The following GPC6 variants were observed in gnomAD, a reference collection of about 807,000 sequenced individuals.
GPC6 encodes glypican 6.
A neutral mutation model predicts 55.2 loss-of-function variants in GPC6; 14 were observed. The observed-to-expected ratio is 0.25, with a 90% confidence interval of 0.17 to 0.40. GPC6 has a LOEUF of 0.40. Ranked by LOEUF, GPC6 falls within the 10% of genes least tolerant of loss-of-function variation. The probability of loss-of-function intolerance (pLI) is 1.00; values close to 1 mark genes in which losing one functional copy is unlikely to be tolerated. For synonymous variants in GPC6, 278 were observed against 259.6 expected (o/e 1.07, Z -0.68); for missense variants, 641 against 708.5 (o/e 0.90, Z 1.08).
intron 3 of GPC6, among the ~76,000 whole-genome samples, chr13:93,851,616 C>T (rs939640579): frequency 6.6e-6 from 1 of 151,666 alleles, no homozygotes; most frequent in African/African-American, 2.4e-5. Flanking sequence ...AAATATATCT[C>T]GGGAAGATTT....
intron 6 of GPC6, among the ~76,000 whole-genome samples, chr13:94,360,719 A>G (rs1411291120): frequency 6.6e-6 from 1 of 152,096 alleles, no homozygotes; most frequent in Non-Finnish European, 1.5e-5. Flanking sequence ...CCTCCCCCCA[A>G]ATATATTTTC....
At chr13:94,056,358 C>T (rs1249545767) in intron 4 of GPC6, among the ~76,000 whole-genome samples, 1 of 151,980 alleles carries the variant, frequency 6.6e-6, no homozygotes, top group Non-Finnish European at 1.5e-5. Context: ...GTACCCAGTC[C>T]TATAAACTAT....
chr13:94,284,759 T>C (rs1033890171), intron 4 of GPC6, among the ~76,000 whole-genome samples: 2 of 152,164 alleles, frequency 1.3e-5, no homozygotes, highest in Non-Finnish European at 2.9e-5. Flanking sequence ...TTCAATGTAT[T>C]TGCATACATT....
At chr13:94,133,434 A>G (rs1181614470) in intron 4 of GPC6, among the ~76,000 whole-genome samples, 1 of 152,154 alleles carries the variant, frequency 6.6e-6, no homozygotes, top group African/African-American at 2.4e-5. Context: ...TAAAAAATCA[A>G]ATTAAAAAAT....
chr13:93,661,192 T>C (rs1880905957), intron 2 of GPC6, among the ~76,000 whole-genome samples: 1 of 152,132 alleles, frequency 6.6e-6, no homozygotes, highest in Non-Finnish European at 1.5e-5. Context: ...ATTACCTTTC[T>C]TTTTTCCTTT....
intron 1 of GPC6, among the ~76,000 whole-genome samples, chr13:93,421,821 T>G (rs1876933516): frequency 6.6e-6 from 1 of 152,160 alleles, no homozygotes; most frequent in Non-Finnish European, 1.5e-5. Context: ...TTTATTAGCT[T>G]GAAGACCTGT....
chr13:93,810,774 A>G (rs1241422010), intron 2 of GPC6, among the ~76,000 whole-genome samples: 1 of 152,224 alleles, frequency 6.6e-6, no homozygotes, highest in East Asian at 1.9e-4. Context: ...TGGATCTGCA[A>G]AATATCACAG....
chr13:93,298,440 T>G (rs924839155), intron 1 of GPC6, among the ~76,000 whole-genome samples: 3 of 152,024 alleles, frequency 2.0e-5, no homozygotes, highest in African/African-American at 7.3e-5. Flanking sequence ...TTTCTGTTTG[T>G]TTTTGTGTTT....
intron 2 of GPC6, among the ~76,000 whole-genome samples, chr13:93,773,820 C>T (rs2138896176): frequency 6.6e-6 from 1 of 152,282 alleles, no homozygotes; most frequent in African/African-American, 2.4e-5. Flanking sequence ...GCTATACTGG[C>T]ATCAGATTCA....
At chr13:94,043,459 T>G (rs1883613048) in intron 4 of GPC6, among the ~76,000 whole-genome samples, 1 of 151,920 alleles carries the variant, frequency 6.6e-6, no homozygotes, top group Non-Finnish European at 1.5e-5. Flanking sequence ...CTGATCCTAA[T>G]GTTAACAACA....
chr13:94,270,964 A>ATTTTTTT lies in GPC6; in HGVS notation c.878-15350_878-15344dup, dbSNP rs764819082. On this transcript the variant is annotated intron_variant, in intron 4 of 8. Coordinates refer to ENST00000377047, the MANE Select transcript of GPC6 (RefSeq NM_005708.5). ...AAAGGACCAGAGACAGAGAAGTATAATTTTTTTTTTTTTTTTTTTTTTTTT... is the reference window on the plus strand; with the variant it reads ...AAAGGACCAGAGACAGAGAAGTATAATTTTTTTTTTTTTTTTTTTTTTTTTTTTTTTT... 1.6e-4 allele frequency among the ~76,000 whole-genome samples: 8 copies of ATTTTTTT among 49,672 alleles called. 1 individual carries two copies. The highest frequency in any genetic ancestry group is 2.2e-4 in the Non-Finnish European group (6 of 27,136). The allele number at this position is 49,672 out of a possible 152,430, so 32.6% of individuals were successfully genotyped here.
In GPC6 at chr13:94,403,907, G is replaced by T. The variant is rs1467922275; in HGVS notation, c.*690G>T. 6.4e-6 allele frequency: 1 copy of T among 155,880 alleles called. No homozygotes were observed. Among genetic ancestry groups the T allele is most frequent in the Admixed American group, 6.1e-5 (1 of 16,292 alleles). The allele number at this position is 155,880 out of a possible 1,614,324, so 9.7% of individuals were successfully genotyped here. A position where few individuals can be genotyped will look rare whatever the true frequency, so the allele number is the denominator to read the frequency against. The stretch of plus-strand genomic sequence containing the variant: ...TGAGAACACAAATTACTACAACTCA[G>T]TACCTCTGTCTTACTCTGCCCAATT... On this transcript the variant is annotated 3_prime_UTR_variant, in exon 9 of 9. Coordinates refer to ENST00000377047, the MANE Select transcript of GPC6 (RefSeq NM_005708.5).
chr13:93,561,781 C>T (rs904005891), intron 2 of GPC6, among the ~76,000 whole-genome samples: 2 of 151,986 alleles, frequency 1.3e-5, no homozygotes, highest in Admixed American at 6.6e-5. Context: ...TCCATTCTAC[C>T]GACAGAGAGC....
intron 4 of GPC6, among the ~76,000 whole-genome samples, chr13:94,116,679 C>T (rs539883270): frequency 2.4e-4 from 37 of 152,158 alleles, no homozygotes; most frequent in African/African-American, 7.2e-4. Flanking sequence ...TTAGCGCTTA[C>T]GTTTGTATTC....
intron 2 of GPC6, among the ~76,000 whole-genome samples, chr13:93,575,928 A>G (rs1006835025): frequency 6.6e-6 from 1 of 152,128 alleles, no homozygotes; most frequent in Non-Finnish European, 1.5e-5. Context: ...TTTTCAACCA[A>G]CAATTTAGTT....
At chr13:93,600,521 A>T (rs1877961535) in intron 2 of GPC6, among the ~76,000 whole-genome samples, 1 of 152,188 alleles carries the variant, frequency 6.6e-6, no homozygotes, top group African/African-American at 2.4e-5. Context: ...TCCAGAAAAA[A>T]GTTACAAAGG....
intron 4 of GPC6, among the ~76,000 whole-genome samples, chr13:94,259,996 G>A (rs1488096004): frequency 6.6e-6 from 1 of 152,176 alleles, no homozygotes; most frequent in Non-Finnish European, 1.5e-5. Flanking sequence ...ATGTTATGGT[G>A]TACATGGGTA....
chr13:93,654,809 A>G (rs529542789), intron 2 of GPC6, among the ~76,000 whole-genome samples: 2 of 151,040 alleles, frequency 1.3e-5, no homozygotes, highest in South Asian at 2.1e-4. Context: ...AACTTCCAAT[A>G]TGAATCCAAA....
chr13:93,442,709 G>A (rs1156720447), intron 1 of GPC6, among the ~76,000 whole-genome samples: 1 of 152,034 alleles, frequency 6.6e-6, no homozygotes, highest in Non-Finnish European at 1.5e-5. Context: ...CATTTTTGCT[G>A]GGAAAATATG....
Sources: gnomAD v4.1 joint callset for allele counts (sites outside exome capture counted in the v4.1 genomes callset) on GRCh38, gnomAD v4.1.1 for gene constraint, MANE v1.5 for transcripts, NCBI Gene and HGNC (gene_info 2026-07-23, HGNC 2026-07-21) for gene names.